Variants in NCAM2 observed in about 807,000 individuals in gnomAD.
NCAM2 encodes N-CAM-2.
A neutral mutation model predicts 98.1 loss-of-function variants in NCAM2; 30 were observed. That is an observed-to-expected ratio of 0.31 (90% CI 0.23 to 0.41). NCAM2 has a LOEUF of 0.41. Ranked by LOEUF, NCAM2 falls within the 10% of genes least tolerant of loss-of-function variation. The probability of loss-of-function intolerance (pLI) is 1.00; values close to 1 mark genes in which losing one functional copy is unlikely to be tolerated. For missense variants in NCAM2, 867 were observed against 1,005.8 expected, an observed-to-expected ratio of 0.86 and a Z score of 1.87; for synonymous variants, 368 against 342.4, an observed-to-expected ratio of 1.07 and a Z score of -0.83.
chr21:21,234,677 C>T (rs1431141629), intron 1 of NCAM2, among the ~76,000 whole-genome samples: 7 of 151,800 alleles, frequency 4.6e-5, no homozygotes, highest in Non-Finnish European at 1.0e-4. Context: ...ATTGTTTTCC[C>T]GGCATTAATG....
At chr21:21,430,968 C>G (rs930251099) in intron 11 of NCAM2, among the ~76,000 whole-genome samples, 2 of 148,698 alleles carry the variant, frequency 1.3e-5, no homozygotes, top group Admixed American at 6.8e-5. Context: ...ATGGCATGAA[C>G]CCAGGGGAGG....
At chr21:21,431,370 G>A (rs181990595) in intron 11 of NCAM2, among the ~76,000 whole-genome samples, 2,024 of 149,066 alleles carry the variant, frequency 0.014, 29 homozygotes, top group Non-Finnish European at 0.019. Flanking sequence ...TAATTCTTCC[G>A]AAATAATTTT....
chr21:21,502,000 G>C (rs1224408205), intron 15 of NCAM2, among the ~76,000 whole-genome samples: 7 of 151,878 alleles, frequency 4.6e-5, no homozygotes, highest in Non-Finnish European at 5.9e-5. Context: ...TTTTTAAAAA[G>C]TCTCTATCCC....
intron 16 of NCAM2, among the ~76,000 whole-genome samples, chr21:21,525,804 A>G (rs1989290243): frequency 6.6e-6 from 1 of 152,150 alleles, no homozygotes; most frequent in South Asian, 2.1e-4. Flanking sequence ...TAAACTATAT[A>G]TCACACCCAA....
chr21:21,384,518 A>G (rs904923578), intron 9 of NCAM2, among the ~76,000 whole-genome samples: 1 of 151,942 alleles, frequency 6.6e-6, no homozygotes, highest in Non-Finnish European at 1.5e-5. Flanking sequence ...GGAAAATACC[A>G]AATATATTGG....
chr21:21,429,301 G>A (rs768509417), intron 11 of NCAM2, among the ~76,000 whole-genome samples: 7 of 152,312 alleles, frequency 4.6e-5, no homozygotes, highest in Admixed American at 1.3e-4. Context: ...TGCACAGTTG[G>A]TGAATGGTGC....
intron 8 of NCAM2, among the ~76,000 whole-genome samples, chr21:21,362,624 A>G (rs2075677095): frequency 6.6e-6 from 1 of 152,178 alleles, no homozygotes; most frequent in Admixed American, 6.6e-5. Context: ...ATCCTAGGGC[A>G]TTGCAAACTC....
chr21:21,452,686 TTA>T (rs1178409722), intron 12 of NCAM2, among the ~76,000 whole-genome samples: 2 of 112,244 alleles, frequency 1.8e-5, no homozygotes, highest in Non-Finnish European at 3.3e-5. Flanking sequence ...TATTATATAT[TTA>T]TATATCATTT....
At chr21:21,134,099 C>T (rs13048159) in intron 1 of NCAM2, among the ~76,000 whole-genome samples, 68,350 of 147,702 alleles carry the variant, frequency 0.46, 17,619 homozygotes, top group Non-Finnish European at 0.57. Context: ...GATGATGTCT[C>T]GCTCTGTCAC....
intron 5 of NCAM2, among the ~76,000 whole-genome samples, chr21:21,300,891 C>G (rs1025054900): frequency 1.3e-5 from 2 of 151,750 alleles, no homozygotes; most frequent in African/African-American, 2.4e-5. Context: ...TTCCAGATAT[C>G]TTGCATGTAT....
chr21:21,111,264 C>T (rs745430771), intron 1 of NCAM2, among the ~76,000 whole-genome samples: 24 of 152,166 alleles, frequency 1.6e-4, no homozygotes, highest in South Asian at 8.3e-4. Flanking sequence ...GCTATTCATA[C>T]GTTACTTCTC....
At chr21:21,084,065 G>A (rs1459123962) in intron 1 of NCAM2, among the ~76,000 whole-genome samples, 1 of 152,148 alleles carries the variant, frequency 6.6e-6, no homozygotes, top group African/African-American at 2.4e-5. Flanking sequence ...TCAAAAAGCA[G>A]CCAATTTGAT....
At chr21:21,448,138 C>A (rs1980470800) in intron 12 of NCAM2, among the ~76,000 whole-genome samples, 1 of 151,970 alleles carries the variant, frequency 6.6e-6, no homozygotes, top group African/African-American at 2.4e-5. Context: ...AGTCACGGAG[C>A]CAACCCAAAT....
At chr21:21,489,444 C>T (rs939468577) in intron 15 of NCAM2, among the ~76,000 whole-genome samples, 4 of 151,088 alleles carry the variant, frequency 2.6e-5, no homozygotes, top group Admixed American at 6.6e-5. Context: ...TGTCTCTCTC[C>T]CTCTTTCTCT....
At chr21:21,487,624 G>T (rs1242985212) in intron 15 of NCAM2, among the ~76,000 whole-genome samples, 1 of 152,068 alleles carries the variant, frequency 6.6e-6, no homozygotes, top group Admixed American at 6.6e-5. Flanking sequence ...GCCATTATCT[G>T]CATGTGGAAT....
chr21:21,446,047 C>T (rs1399066025), intron 12 of NCAM2, among the ~76,000 whole-genome samples: 2 of 152,120 alleles, frequency 1.3e-5, no homozygotes, highest in South Asian at 2.1e-4. Flanking sequence ...AATCCCTCAA[C>T]ATTTGCTTAT....
At chr21:21,299,184 C>T (rs1267035695) in intron 5 of NCAM2, among the ~76,000 whole-genome samples, 1 of 151,550 alleles carries the variant, frequency 6.6e-6, no homozygotes, top group Non-Finnish European at 1.5e-5. Context: ...TTTGGAGAGA[C>T]ATTCATGGGT....
At chr21:21,471,161 C>T (rs930524695) in intron 14 of NCAM2, among the ~76,000 whole-genome samples, 1 of 151,788 alleles carries the variant, frequency 6.6e-6, no homozygotes, top group Non-Finnish European at 1.5e-5. Context: ...CTGCCCAGCT[C>T]TTGTGCCTTC....
chr21:21,213,154 TTC>T (rs1179187469), intron 1 of NCAM2, among the ~76,000 whole-genome samples: 2 of 152,184 alleles, frequency 1.3e-5, no homozygotes, highest in Non-Finnish European at 2.9e-5. Context: ...ATGACTCATC[TTC>T]TTTTTTACTT....
Sources: gnomAD v4.1 joint callset for allele counts (sites outside exome capture counted in the v4.1 genomes callset) on GRCh38, gnomAD v4.1.1 for gene constraint, MANE v1.5 for transcripts, NCBI Gene and HGNC (gene_info 2026-07-23, HGNC 2026-07-21) for gene names.